Variants in STARD13 observed in about 807,000 individuals in gnomAD.
The protein encoded by STARD13 is stAR-related lipid transfer protein 13.
In STARD13, 62 loss-of-function variants were observed where a neutral mutation model predicts 106.4. The observed-to-expected ratio is 0.58, with a 90% CI of 0.48 to 0.72. STARD13 has a LOEUF of 0.72. STARD13 is among the 30% of genes least tolerant of loss of function. STARD13 has a pLI of 0.00. For missense variants in STARD13, 1,387 were observed against 1,424.0 expected (o/e 0.97, Z 0.42); for synonymous variants, 565 against 553.0 (o/e 1.02, Z -0.31).
At chr13:33,368,009 C>T in the STARD13 span, among the ~76,000 whole-genome samples, 9 of 152,088 alleles carry the variant, frequency 5.9e-5, no homozygotes, top group African/African-American at 1.7e-4. Flanking sequence ...CCCAGCTTCC[C>T]GATAATGTGG....
chr13:33,607,318 G>A, the STARD13 span, among the ~76,000 whole-genome samples: 11 of 143,916 alleles, frequency 7.6e-5, no homozygotes, highest in African/African-American at 2.8e-4. Context: ...TTTTTTTTGA[G>A]ACAGAACCTC....
At chr13:33,338,071 T>C (rs2138582450) in intron 1 of STARD13, among the ~76,000 whole-genome samples, 1 of 152,350 alleles carries the variant, frequency 6.6e-6, no homozygotes, top group Admixed American at 6.5e-5. Flanking sequence ...TCTTCAATTC[T>C]GGTAGATGTA....
At chr13:33,377,060 G>A in the STARD13 span, among the ~76,000 whole-genome samples, 1 of 152,130 alleles carries the variant, frequency 6.6e-6, no homozygotes, top group African/African-American at 2.4e-5. Flanking sequence ...TAAGGTGTCC[G>A]ATTTATTCTA....
At chr13:33,319,746 T>C (rs1409801329) in intron 1 of STARD13, among the ~76,000 whole-genome samples, 4 of 152,170 alleles carry the variant, frequency 2.6e-5, no homozygotes, top group African/African-American at 9.7e-5. Context: ...GGGGTTGGAC[T>C]CATAGATTAT....
At chr13:33,282,104 G>A (rs1258432488) in intron 1 of STARD13, among the ~76,000 whole-genome samples, 2 of 151,968 alleles carry the variant, frequency 1.3e-5, no homozygotes, top group Non-Finnish European at 2.9e-5. Flanking sequence ...ACTCCCAAGC[G>A]CCAGTCAGTG....
the STARD13 span, among the ~76,000 whole-genome samples, chr13:33,622,273 C>T: frequency 0.12 from 18,417 of 152,168 alleles, 2,820 homozygotes; most frequent in African/African-American, 0.36. Flanking sequence ...ATGAAGACCA[C>T]CATCTGTATG....
At chr13:33,339,964 T>C (rs1476083145) in intron 1 of STARD13, among the ~76,000 whole-genome samples, 4 of 152,076 alleles carry the variant, frequency 2.6e-5, no homozygotes, top group African/African-American at 7.2e-5. Context: ...CAACACCTTG[T>C]GGCCAGGAAA....
At chr13:33,616,080 A>G in the STARD13 span, among the ~76,000 whole-genome samples, 1 of 152,098 alleles carries the variant, frequency 6.6e-6, no homozygotes, top group Non-Finnish European at 1.5e-5. Context: ...TATTAAAGAC[A>G]CATTTCTTGA....
chr13:33,130,833 A>G lies in STARD13; in HGVS notation c.388-544T>C, dbSNP rs1378282210. Among the ~76,000 whole-genome samples the G allele has an allele frequency of 6.6e-6, 1 of 152,198 alleles. No homozygotes were observed. The highest frequency in any genetic ancestry group is 2.4e-5 in the African/African-American group (1 of 41,454). On this transcript the variant is annotated intron_variant, in intron 4 of 13. Coordinates refer to ENST00000336934, the MANE Select transcript of STARD13 (RefSeq NM_178006.4). The surrounding 1 kb of genome is among the most constrained non-coding windows in gnomAD (Gnocchi z 4.1). The stretch of plus-strand genomic sequence containing the variant: ...TTGATTCTTATCGTGTATTCCCTGG[A>G]TAAGGTAACAGCAAAATGAACCACT...
chr13:33,621,284 T>G, the STARD13 span, among the ~76,000 whole-genome samples: 8 of 152,160 alleles, frequency 5.3e-5, no homozygotes, highest in East Asian at 1.5e-3. Context: ...TATAGAAGAA[T>G]AGTGAAAATA....
the STARD13 span, among the ~76,000 whole-genome samples, chr13:33,488,022 T>C: frequency 1.3e-5 from 2 of 152,214 alleles, no homozygotes; most frequent in African/African-American, 2.4e-5. Flanking sequence ...GATACCATTC[T>C]TCCTTGGCTT....
intron 1 of STARD13, among the ~76,000 whole-genome samples, chr13:33,180,718 G>C (rs562868683): frequency 6.6e-6 from 1 of 152,064 alleles, no homozygotes; most frequent in Non-Finnish European, 1.5e-5. Flanking sequence ...AGGAGGTGAC[G>C]GGGAAAGTAA....
In STARD13 at chr13:33,105,427, G is replaced by C; in HGVS notation, c.*166C>G. 1 of 574,652 alleles carries C rather than the reference G, an allele frequency of 1.7e-6. No individual in the cohort carries two copies. The allele number at this position is 574,652 out of a possible 1,614,324, so 35.6% of individuals were successfully genotyped here. ...CTCCAGGAAGGCTAAGAAAGTTCTT[G>C]GAAATTCTTGCATCTCCAACATTCC... On this transcript the variant is annotated 3_prime_UTR_variant, in exon 14 of 14. Coordinates refer to ENST00000336934, the MANE Select transcript of STARD13 (RefSeq NM_178006.4).
chr13:33,111,919 C>T lies in STARD13; in HGVS notation c.2493-27G>A, dbSNP rs1234508318. ...TGTAATTGAACGTGAGTGTGCTAAGCAGATCCCACACCAACGAGCTTGTCA... is the reference window on the plus strand; with the variant it reads ...TGTAATTGAACGTGAGTGTGCTAAGTAGATCCCACACCAACGAGCTTGTCA... On this transcript the variant is annotated intron_variant, in intron 9 of 13. Coordinates refer to ENST00000336934, the MANE Select transcript of STARD13 (RefSeq NM_178006.4). 2.8e-6 allele frequency: 4 copies of T among 1,433,442 alleles called. No homozygotes were observed. In the East Asian group the frequency reaches 6.8e-5, roughly 24 times the overall value. 88.8% of individuals were successfully genotyped at this position (1,433,442 alleles called of 1,614,324 possible). A position where few individuals can be genotyped will look rare whatever the true frequency, so the allele number is the denominator to read the frequency against.
At chr13:33,177,793 AAGGAAGGAAAGG>A (rs1185405272) in intron 1 of STARD13, among the ~76,000 whole-genome samples, 4 of 34,912 alleles carry the variant, frequency 1.1e-4, no homozygotes, top group Non-Finnish European at 2.2e-4. Flanking sequence ...GGAAGGAAGG[AAGGAAGGAAAGG>A]AAGGAAGGAA....
chr13:33,162,201 T>C (rs1594007303), intron 3 of STARD13, among the ~76,000 whole-genome samples: 1 of 152,212 alleles, frequency 6.6e-6, no homozygotes, highest in African/African-American at 2.4e-5. Context: ...CAAAGTCTCA[T>C]ATGAGACAAG....
chr13:33,149,851 G>C (rs77209106), intron 3 of STARD13, among the ~76,000 whole-genome samples: 1 of 152,192 alleles, frequency 6.6e-6, no homozygotes. Flanking sequence ...CAAAATTCTC[G>C]TGTGAGTGAA....
At position 33,103,343 on chromosome 13, in the gene STARD13, C is replaced by T. The variant is rs955906274; in HGVS notation, c.*2250G>A. 4 of 152,586 alleles carry T rather than the reference C, an allele frequency of 2.6e-5. No individual in the cohort carries two copies. Among genetic ancestry groups the T allele is most frequent in the Non-Finnish European group, 5.9e-5 (4 of 68,040 alleles). 9.5% of individuals were successfully genotyped at this position (152,586 alleles called of 1,614,324 possible). A position where few individuals can be genotyped will look rare whatever the true frequency, so the allele number is the denominator to read the frequency against. ...TGGTATTTGACAAACAAGCTTGATG[C>T]ATCGTTTTTTCTCCTTTTTTTCCCT... is the stretch of plus-strand genomic sequence containing the variant. On this transcript the variant is annotated 3_prime_UTR_variant, in exon 14 of 14. Transcript: ENST00000336934.
chr13:33,200,867 A>T (rs920190255), intron 1 of STARD13, among the ~76,000 whole-genome samples: 1 of 151,824 alleles, frequency 6.6e-6, no homozygotes, highest in African/African-American at 2.4e-5. Context: ...AAAAAAAAAA[A>T]TACAAAAAAT....
Sources: allele counts gnomAD v4.1 joint callset (sites outside exome capture counted in the v4.1 genomes callset), GRCh38; gene constraint gnomAD v4.1.1; non-coding constraint Gnocchi (gnomAD v3.1); transcripts MANE v1.5; gene names NCBI Gene and HGNC (gene_info 2026-07-23, HGNC 2026-07-21).